Variants in TMEM38A observed in about 807,000 individuals in gnomAD.
TMEM38A encodes the protein transmembrane protein 38A, also known as trimeric intracellular cation channel type A.
In TMEM38A, 17 loss-of-function variants were observed where a neutral mutation model predicts 28.6. The observed-to-expected ratio is 0.60, with a 90% CI of 0.41 to 0.89. The LOEUF is 0.89. TMEM38A is among the 40% of genes least tolerant of loss of function. The probability of loss-of-function intolerance (pLI) is 0.00; values close to 1 mark genes in which losing one functional copy is unlikely to be tolerated. For synonymous variants in TMEM38A, 169 were observed against 166.1 expected (o/e 1.02, Z -0.14); for missense variants, 328 against 393.1 (o/e 0.83, Z 1.40).
intron 1 of TMEM38A, among the ~76,000 whole-genome samples, chr19:16,669,656 A>C (rs926606559): frequency 4.6e-5 from 7 of 152,184 alleles, no homozygotes; most frequent in Non-Finnish European, 5.9e-5. Context: ...TGCTATCTCC[A>C]TTTAACAGGG....
chr19:16,679,034 A>G (rs2086765849), intron 1 of TMEM38A, among the ~76,000 whole-genome samples: 1 of 151,654 alleles, frequency 6.6e-6, no homozygotes, highest in South Asian at 2.1e-4. Context: ...CTGTGATCCC[A>G]GCTACTCGGG....
chr19:16,669,902 C>G (rs1386668811), intron 1 of TMEM38A, among the ~76,000 whole-genome samples: 1 of 152,138 alleles, frequency 6.6e-6, no homozygotes, highest in African/African-American at 2.4e-5. Context: ...GGACCCAAAG[C>G]TTTTTCCTCT....
At position 16,680,732 on chromosome 19, in the gene TMEM38A, C is replaced by T. The variant is rs142032368; in HGVS notation, c.466+151C>T. On this transcript the variant is annotated intron_variant, in intron 3 of 5. Transcript: ENST00000187762. The stretch of plus-strand genomic sequence containing the variant: ...TTCAAACCTCCCTACAGGTATCAGC[C>T]GATACCTTTAGGGTAAATGGGAAGA... 7.4e-4 allele frequency: 498 copies of T among 668,968 alleles called. 7 individuals carry two copies. Among genetic ancestry groups the T allele is most frequent in the South Asian group, 4.6e-3 (250 of 54,648 alleles). 41.4% of individuals were successfully genotyped at this position (668,968 alleles called of 1,614,324 possible). A position where few individuals can be genotyped will look rare whatever the true frequency, so the allele number is the denominator to read the frequency against.
At chr19:16,665,051 T>G (rs942120581) in intron 1 of TMEM38A, among the ~76,000 whole-genome samples, 2 of 151,570 alleles carry the variant, frequency 1.3e-5, no homozygotes, top group African/African-American at 4.8e-5. Flanking sequence ...TCCGAGCACT[T>G]TGGGAGGCTG....
intron 1 of TMEM38A, among the ~76,000 whole-genome samples, chr19:16,679,631 G>T (rs1025587616): frequency 6.6e-6 from 1 of 151,912 alleles, no homozygotes; most frequent in Non-Finnish European, 1.5e-5. Context: ...GTACAAGCTG[G>T]CCCGTCTCAC....
chr19:16,676,402 G>C (rs1337234249), intron 1 of TMEM38A, among the ~76,000 whole-genome samples: 1 of 152,180 alleles, frequency 6.6e-6, no homozygotes, highest in Non-Finnish European at 1.5e-5. Flanking sequence ...GTTATCTCAT[G>C]TCAATACTGA....
At chr19:16,684,021 A>T (rs757569731) in intron 4 of TMEM38A, among the ~76,000 whole-genome samples, 6 of 149,082 alleles carry the variant, frequency 4.0e-5, no homozygotes, top group African/African-American at 1.2e-4. Context: ...TCCCAGCTAC[A>T]TGGGAGGCTG....
Position 16,680,503 on chromosome 19 carries a change from A to G in TMEM38A, c.388A>G (p.Ile130Val). 6.2e-7 allele frequency: 1 copy of G among 1,614,156 alleles called. No individual in the cohort carries two copies. The highest frequency in any genetic ancestry group is 8.5e-7 in the Non-Finnish European group (1 of 1,180,022). Residue 130 changes from isoleucine (I) to valine (V), a missense_variant, in exon 3 of 6, where the codon ATC (isoleucine) becomes GTC (valine). Coordinates refer to ENST00000187762, the MANE Select transcript of TMEM38A (RefSeq NM_024074.4). Reference sequence around the variant, plus strand: ...GAAGGAGGTGGTGCGAGTCCGCAAGATCGCGGTGGGCATCCATCACGCCCA... The same window carrying G: ...GAAGGAGGTGGTGCGAGTCCGCAAGGTCGCGGTGGGCATCCATCACGCCCA... ...AMKEVVRVRK[I>V]AVGIHHAHHH...
chr19:16,679,253 G>A (rs932224852), intron 1 of TMEM38A, among the ~76,000 whole-genome samples: 3 of 17,830 alleles, frequency 1.7e-4, no homozygotes, highest in Non-Finnish European at 2.7e-4. Flanking sequence ...CTTTTGTTTC[G>A]TGTGTGTGTG....
chr19:16,678,358 G>A (rs1164220583), intron 1 of TMEM38A, among the ~76,000 whole-genome samples: 1 of 151,482 alleles, frequency 6.6e-6, no homozygotes, highest in East Asian at 1.9e-4. Context: ...GAACCCGGGA[G>A]GAGGAGGTTG....
chr19:16,688,083 T>G, intron 5 of TMEM38A, 61 bp from the exon 6 acceptor site: 1 of 1,249,614 alleles, frequency 8.0e-7, no homozygotes, highest in Non-Finnish European at 1.1e-6. Flanking sequence ...CTCCACTCCT[T>G]TGCTTTCTAC....
rs772443185 is a variant in TMEM38A, at chr19:16,661,328, C to T, written c.111C>T (p.Leu37=). ...LSYFIVSILY[L]KYEPGAVELS... is the part of the protein sequence containing the mutation. ...ACTTCATCGTCTCCATCCTCTACCTCAAGTATGAGCCAGGTGAGCCGGGGC... is the reference window on the plus strand; with the variant it reads ...ACTTCATCGTCTCCATCCTCTACCTTAAGTATGAGCCAGGTGAGCCGGGGC... The change falls in exon 1 of 6, where the codon CTC becomes CTT. Residue 37 remains leucine (L), a synonymous_variant. Coordinates refer to ENST00000187762, the MANE Select transcript of TMEM38A (RefSeq NM_024074.4). This position sits in a 1 kb window ranked among gnomAD's most constrained non-coding sequence, Gnocchi z 6.5. 8 of 1,592,318 alleles carry T rather than the reference C, an allele frequency of 5.0e-6. No homozygotes were observed. In the Admixed American group the frequency reaches 1.4e-4, roughly 28 times the overall value.
Position 16,661,240 on chromosome 19 carries a change from G to T in TMEM38A, c.23G>T (p.Ser8Ile). The T allele has an allele frequency of 1.3e-6, 2 of 1,587,004 alleles. No individual in the cohort carries two copies. The highest frequency in any genetic ancestry group is 1.7e-4 in the Middle Eastern group (1 of 5,974). Residue 8 changes from serine (S) to isoleucine (I), a missense_variant, in exon 1 of 6, where the codon AGC becomes ATC. Ser to Ile is a moderately radical substitution (Grantham distance 142). Coordinates refer to ENST00000187762, the MANE Select transcript of TMEM38A (RefSeq NM_024074.4). The surrounding 1 kb of genome is among the most constrained non-coding windows in gnomAD (Gnocchi z 6.5). ...GCCATGGAGCTGCTCTCGGCGCTGA[G>T]CCTGGGCGAACTGGCGCTCAGCTTC... MELLSAL[S>I]LGELALSFSR...
At chr19:16,666,851 GC>G (rs2122576320) in intron 1 of TMEM38A, among the ~76,000 whole-genome samples, 1 of 151,990 alleles carries the variant, frequency 6.6e-6, no homozygotes, top group South Asian at 2.1e-4. Context: ...TACTTGGGTG[GC>G]TGAGGAAGGA....
At chr19:16,674,102 G>C (rs1045438359) in intron 1 of TMEM38A, among the ~76,000 whole-genome samples, 1 of 149,588 alleles carries the variant, frequency 6.7e-6, no homozygotes, top group African/African-American at 2.5e-5. Context: ...AAAGTGTCCA[G>C]GGCCAGGCGC....
intron 1 of TMEM38A, among the ~76,000 whole-genome samples, chr19:16,663,687 C>A (rs2086691986): frequency 6.6e-6 from 1 of 151,410 alleles, no homozygotes; most frequent in Non-Finnish European, 1.5e-5. Context: ...CACCACCATG[C>A]CCGGCTAATT....
rs1429894543 is a variant in TMEM38A, at chr19:16,668,822, CTTTTTCTTTCTTTTTTT to C, written c.124+7487_124+7503del. Among the ~76,000 whole-genome samples the C allele has an allele frequency of 2.0e-5, 3 of 149,558 alleles. No homozygotes were observed. In the East Asian group the frequency reaches 5.9e-4, roughly 29 times the overall value. On this transcript the variant is annotated intron_variant, in intron 1 of 5. Transcript: ENST00000187762. Reference sequence around the variant, plus strand: ...ACTGGATAATATTTCTTTCTTTTTTCTTTTTCTTTCTTTTTTTTTTTTTTGAAATGGACTTTGCTCTT... The same window carrying C: ...ACTGGATAATATTTCTTTCTTTTTTCTTTTTTTGAAATGGACTTTGCTCTT...
intron 1 of TMEM38A, among the ~76,000 whole-genome samples, chr19:16,667,337 G>A (rs533625777): frequency 9.9e-4 from 151 of 152,148 alleles, no homozygotes; most frequent in African/African-American, 3.4e-3. Context: ...TGCCCAATGA[G>A]AGTCTGTATT....
intron 1 of TMEM38A, among the ~76,000 whole-genome samples, chr19:16,671,297 C>T (rs982478167): frequency 2.0e-5 from 3 of 148,146 alleles, no homozygotes; most frequent in African/African-American, 7.7e-5. Context: ...TTTCCGCCTC[C>T]TGGGTTCAAG....
Sources: allele counts gnomAD v4.1 joint callset (sites outside exome capture counted in the v4.1 genomes callset), GRCh38; gene constraint gnomAD v4.1.1; non-coding constraint Gnocchi (gnomAD v3.1); transcripts MANE v1.5; gene names NCBI Gene and HGNC (gene_info 2026-07-23, HGNC 2026-07-21).